The following UNC13C variants were observed in gnomAD, a reference collection of about 807,000 sequenced individuals.
UNC13C encodes protein unc-13 homolog C.
UNC13C carries 174 observed loss-of-function variants against 245.4 expected under a neutral mutation model. The observed-to-expected ratio is 0.71, with a 90% confidence interval of 0.63 to 0.80. The LOEUF is 0.80. Ranked by LOEUF, UNC13C falls within the 30% of genes least tolerant of loss-of-function variation. The pLI, the probability that UNC13C is intolerant of heterozygous loss-of-function variation, is 0.00. For synonymous variants in UNC13C, 992 were observed against 895.1 expected (o/e 1.11, Z -1.93); for missense variants, 2,829 against 2,602.9 (o/e 1.09, Z -1.89).
At chr15:54,441,683 G>A (rs747588370) in intron 19 of UNC13C, among the ~76,000 whole-genome samples, 31 of 145,314 alleles carry the variant, frequency 2.1e-4, no homozygotes, top group Middle Eastern at 3.5e-3. Flanking sequence ...TGTCTTTTGT[G>A]GCTACATAGG....
chr15:54,587,272 G>A (rs991178059), intron 30 of UNC13C, among the ~76,000 whole-genome samples: 17 of 145,134 alleles, frequency 1.2e-4, no homozygotes, highest in East Asian at 5.9e-4. Flanking sequence ...ACACAAATAC[G>A]AGGTGAAATG....
intron 2 of UNC13C, among the ~76,000 whole-genome samples, chr15:54,024,220 C>G (rs1896012056): frequency 6.6e-6 from 1 of 152,136 alleles, no homozygotes; most frequent in African/African-American, 2.4e-5. Context: ...ATGATGGCTT[C>G]TAAAGCATTT....
chr15:54,230,495 A>G (rs2035520473), intron 4 of UNC13C, among the ~76,000 whole-genome samples: 1 of 152,200 alleles, frequency 6.6e-6, no homozygotes, highest in South Asian at 2.1e-4. Flanking sequence ...AATCAGTAAA[A>G]TCAACTTTTA....
chr15:53,859,237 G>A, the UNC13C span, among the ~76,000 whole-genome samples: 1 of 152,060 alleles, frequency 6.6e-6, no homozygotes, highest in Admixed American at 6.6e-5. Context: ...ATAATGTTTT[G>A]TGATAGAAAT....
At chr15:54,560,087 C>A (rs1354656251) in intron 29 of UNC13C, among the ~76,000 whole-genome samples, 2 of 151,842 alleles carry the variant, frequency 1.3e-5, no homozygotes, top group African/African-American at 4.8e-5. Flanking sequence ...AGTGGCTAAC[C>A]TCTAAAATTA....
intron 1 of UNC13C, among the ~76,000 whole-genome samples, chr15:53,984,120 G>A (rs1305879879): frequency 1.3e-5 from 2 of 152,044 alleles, no homozygotes; most frequent in Non-Finnish European, 2.9e-5. Context: ...CTTTGAACAT[G>A]ACATATGTCA....
chr15:53,994,124 G>C (rs145107210), intron 1 of UNC13C, among the ~76,000 whole-genome samples: 65 of 151,368 alleles, frequency 4.3e-4, no homozygotes, highest in African/African-American at 1.4e-3. Flanking sequence ...AGAGCTTGCT[G>C]ATACTAAGCA....
At chr15:54,142,823 T>C (rs1292035921) in intron 2 of UNC13C, among the ~76,000 whole-genome samples, 195 bp from the exon 3 acceptor site, 2 of 152,198 alleles carry the variant, frequency 1.3e-5, no homozygotes. Flanking sequence ...TTTCAAGCAT[T>C]CTATTACATT....
intron 28 of UNC13C, among the ~76,000 whole-genome samples, chr15:54,553,477 TATA>T (rs1175575789): frequency 7.3e-6 from 1 of 136,704 alleles, no homozygotes; most frequent in African/African-American, 2.7e-5. Context: ...AGAAAACATT[TATA>T]ATGTGTATTA....
intron 14 of UNC13C, 46 bp from the exon 15 acceptor site, chr15:54,331,997 G>A (rs2038449272): frequency 1.6e-6 from 2 of 1,283,624 alleles, no homozygotes; most frequent in Non-Finnish European, 2.2e-6. Context: ...GGTCTTTAGA[G>A]TGGTCATTTA....
chr15:54,036,735 A>G (rs1354621619), intron 2 of UNC13C, among the ~76,000 whole-genome samples: 2 of 152,220 alleles, frequency 1.3e-5, no homozygotes, highest in Non-Finnish European at 2.9e-5. Flanking sequence ...TTCATCTGTC[A>G]TTCCTGTAAT....
At chr15:54,041,286 G>T (rs942572597) in intron 2 of UNC13C, among the ~76,000 whole-genome samples, 1 of 151,932 alleles carries the variant, frequency 6.6e-6, no homozygotes, top group Non-Finnish European at 1.5e-5. Context: ...ATATTTCATT[G>T]TCTCTACAAA....
chr15:54,061,065 T>A (rs1897804598), intron 2 of UNC13C, among the ~76,000 whole-genome samples: 1 of 151,612 alleles, frequency 6.6e-6, no homozygotes, highest in African/African-American at 2.4e-5. Context: ...CATGTATACA[T>A]ATGTAACAAA....
chr15:54,543,638 A>G (rs1596541991), intron 26 of UNC13C, among the ~76,000 whole-genome samples: 1 of 152,308 alleles, frequency 6.6e-6, no homozygotes, highest in East Asian at 1.9e-4. Flanking sequence ...ACAGAAATAC[A>G]AACTACCTTC....
chr15:54,225,469 G>A (rs1040857258), intron 4 of UNC13C, among the ~76,000 whole-genome samples: 2 of 152,096 alleles, frequency 1.3e-5, no homozygotes, highest in Non-Finnish European at 2.9e-5. Context: ...ATTTGTTTGT[G>A]TCCTCTCTGA....
intron 4 of UNC13C, among the ~76,000 whole-genome samples, chr15:54,224,883 A>G (rs1363393150): frequency 4.6e-5 from 7 of 151,930 alleles, no homozygotes; most frequent in Non-Finnish European, 8.8e-5. Context: ...TGTAGGTTTT[A>G]TGTGTTTAGT....
At chr15:53,966,945 T>A in the UNC13C span, among the ~76,000 whole-genome samples, 1 of 152,112 alleles carries the variant, frequency 6.6e-6, no homozygotes, top group Admixed American at 6.6e-5. Flanking sequence ...AAAGCATAAT[T>A]CATTTTACTT....
intron 2 of UNC13C, among the ~76,000 whole-genome samples, chr15:54,033,282 T>A (rs4343217): frequency 6.6e-6 from 1 of 152,114 alleles, no homozygotes; most frequent in Non-Finnish European, 1.5e-5. Context: ...AATATTCTGA[T>A]AAAAAGCTGA....
At chr15:54,378,033 A>C (rs2039644263) in intron 17 of UNC13C, among the ~76,000 whole-genome samples, 2 of 152,180 alleles carry the variant, frequency 1.3e-5, no homozygotes, top group Non-Finnish European at 2.9e-5. Context: ...CATTCCCTGA[A>C]AAAAGTGATG....
Sources: gnomAD v4.1 joint callset for allele counts (sites outside exome capture counted in the v4.1 genomes callset) on GRCh38, gnomAD v4.1.1 for gene constraint, MANE v1.5 for transcripts, NCBI Gene and HGNC (gene_info 2026-07-23, HGNC 2026-07-21) for gene names.